The following TMEM175 variants were observed in gnomAD, a reference collection of about 807,000 sequenced individuals.
The protein encoded by TMEM175 is endosomal/lysosomal proton channel TMEM175.
TMEM175 carries 36 observed loss-of-function variants against 36.5 expected under a neutral mutation model. That is an observed-to-expected ratio of 0.99 (90% CI 0.76 to 1.30). TMEM175 has a LOEUF of 1.30. Among genes scored for constraint, TMEM175 ranks in the 50% most tolerant of loss-of-function variants. TMEM175 has a pLI of 0.00. For missense variants in TMEM175, 705 were observed against 692.8 expected, an observed-to-expected ratio of 1.02 and a Z score of -0.20; for synonymous variants, 339 against 313.4, an observed-to-expected ratio of 1.08 and a Z score of -0.86.
chr4:945,612 G>T (rs1728047073), intron 1 of TMEM175, among the ~76,000 whole-genome samples: 1 of 152,124 alleles, frequency 6.6e-6, no homozygotes, highest in Non-Finnish European at 1.5e-5. Flanking sequence ...CCTTGTTTTT[G>T]TGCGTCTCGC....
At position 952,092 on chromosome 4, in the gene TMEM175, G is replaced by C. The variant is rs539252662; in HGVS notation, c.379-275G>C. On this transcript the variant is annotated intron_variant, in intron 6 of 10. Coordinates refer to ENST00000264771, the MANE Select transcript of TMEM175 (RefSeq NM_032326.4). ...GCAGTGGCCGCTAGTCTGAGTGTGC[G>C]GGGCTGTGTGCCACAAGGAACTGGG... The C allele has an allele frequency of 7.5e-5, 44 of 589,492 alleles. No individual in the cohort carries two copies. The East Asian group carries it at 1.2e-3, about 17-fold the overall frequency. The allele number at this position is 589,492 out of a possible 1,614,324, so 36.5% of individuals were successfully genotyped here. A position where few individuals can be genotyped will look rare whatever the true frequency, so the allele number is the denominator to read the frequency against.
chr4:948,393 C>T (rs1728457926), intron 3 of TMEM175: 2 of 1,528,574 alleles, frequency 1.3e-6, no homozygotes, highest in South Asian at 1.2e-5. Context: ...GCTCCTAGGG[C>T]TCTGTTTCCG....
intron 1 of TMEM175, among the ~76,000 whole-genome samples, chr4:943,889 A>G (rs1727816899): frequency 6.6e-6 from 1 of 152,252 alleles, no homozygotes; most frequent in African/African-American, 2.4e-5. Flanking sequence ...ATTACCACAC[A>G]GCAACCAAAG....
chr4:951,282 T>G, intron 5 of TMEM175, 24 bp downstream of exon 5: 2 of 1,613,902 alleles, frequency 1.2e-6, no homozygotes, highest in Non-Finnish European at 1.7e-6. Flanking sequence ...GGTCCTTTTC[T>G]GGGGAGTGAC....
chr4:948,169 T>C lies in TMEM175; in HGVS notation c.192+15T>C, dbSNP rs1417640642. 1 of 1,614,110 alleles carries C rather than the reference T, an allele frequency of 6.2e-7. No individual in the cohort carries two copies. The highest frequency in any genetic ancestry group is 1.7e-5 in the Admixed American group (1 of 60,032). ...CCCCAGAACAGGTAACGGGGCAGGCTGTGCTCTGCGTGGTGTGGCCCTGCG... is the reference window on the plus strand; with the variant it reads ...CCCCAGAACAGGTAACGGGGCAGGCCGTGCTCTGCGTGGTGTGGCCCTGCG... On this transcript the variant is annotated intron_variant, in intron 3 of 10. Transcript: ENST00000264771.
At chr4:933,580 G>GATGTGTGTT (rs1440538022) in intron 1 of TMEM175, among the ~76,000 whole-genome samples, 1 of 152,190 alleles carries the variant, frequency 6.6e-6, no homozygotes, top group African/African-American at 2.4e-5. Flanking sequence ...GACCCAAAAT[G>GATGTGTGTT]ATGTGTGTTA....
At position 947,808 on chromosome 4, in the gene TMEM175, CGAG is replaced by C. The variant is rs761701831; in HGVS notation, c.72_74del (p.Glu24del). 4.4e-5 allele frequency: 71 copies of C among 1,613,062 alleles called. No individual in the cohort carries two copies. The highest frequency in any genetic ancestry group is 5.5e-5 in the Non-Finnish European group (65 of 1,179,990). ...GGGACTGCCCCCCAGGCAGGAGAGA[CGAG>C]GACGCTGGGGAGGGGATCCAGTGCT... On this transcript the variant is annotated inframe_deletion, in exon 2 of 11. Transcript: ENST00000264771.
In TMEM175 at chr4:957,984, C is replaced by T. The variant is rs759053528; in HGVS notation, c.1003C>T (p.Arg335Cys). The stretch of plus-strand genomic sequence containing the variant: ...CCACCACTCACTCTTCCTGCATGTG[C>T]GCAAGGCCACGCGGGCCATGGGGCT... Reference protein sequence around the residue: ...FAHHSLFLHVRKATRAMGLLN... With the variant: ...FAHHSLFLHVCKATRAMGLLN... The change falls in exon 11 of 11, where the codon CGC becomes TGC. Residue 335 changes from arginine to cysteine, a missense_variant. Physicochemically the swap from Arg to Cys is radical, Grantham distance 180 (BLOSUM62 -3). Coordinates refer to ENST00000264771, the MANE Select transcript of TMEM175 (RefSeq NM_032326.4). 42 of 1,612,750 alleles carry T rather than the reference C, an allele frequency of 2.6e-5. No individual in the cohort carries two copies. The highest frequency in any genetic ancestry group is 6.7e-5 in the Admixed American group (4 of 59,998).
rs923658121 is a variant in TMEM175, at chr4:946,871, C to T, written c.-31-838C>T. Among the ~76,000 whole-genome samples, 15 of 143,952 alleles carry T rather than the reference C, an allele frequency of 1.0e-4. No homozygotes were observed. In the East Asian group the frequency reaches 3.2e-3, roughly 30 times the overall value. The allele number at this position is 143,952 out of a possible 152,430, so 94.4% of individuals were successfully genotyped here. On this transcript the variant is annotated intron_variant, in intron 1 of 10. Transcript: ENST00000264771. ...GCCCCAGGCACGCGTGCACAGGCGC[C>T]GAGACCGAGGGAGAGCGCGGCCCCG... is the stretch of plus-strand genomic sequence containing the variant.
At chr4:955,552 A>C in intron 9 of TMEM175, 69 bp downstream of exon 9, 1 of 1,535,170 alleles carries the variant, frequency 6.5e-7, no homozygotes, top group Non-Finnish European at 9.0e-7. Flanking sequence ...GCTGCTCCGC[A>C]CTGAGGGCTG....
intron 1 of TMEM175, among the ~76,000 whole-genome samples, chr4:933,910 A>G (rs188236833): frequency 7.0e-4 from 106 of 152,380 alleles, no homozygotes; most frequent in African/African-American, 2.5e-3. Flanking sequence ...AACAGTAGCA[A>G]TAGCTTAGTT....
Position 932,871 on chromosome 4 carries a change from A to G in TMEM175, c.-32+331A>G, listed in dbSNP as rs561853845. 1.3e-5 allele frequency among the ~76,000 whole-genome samples: 2 copies of G among 152,306 alleles called. No individual in the cohort carries two copies. The highest frequency in any genetic ancestry group is 3.9e-4 in the East Asian group (2 of 5,178). ...CAGTTTGCAGGGGAAACGCTGCTGC[A>G]TTGCTCTGTCTTCCGAGGAGAGGGC... On this transcript the variant is annotated intron_variant, in intron 1 of 10. Coordinates refer to ENST00000264771, the MANE Select transcript of TMEM175 (RefSeq NM_032326.4). This position sits in a 1 kb window ranked among gnomAD's most constrained non-coding sequence, Gnocchi z 4.0.
At chr4:936,121 G>A (rs1726747439) in intron 1 of TMEM175, among the ~76,000 whole-genome samples, 2 of 152,102 alleles carry the variant, frequency 1.3e-5, no homozygotes, top group Non-Finnish European at 1.5e-5. Context: ...GATCACTTGA[G>A]GTCGGAAGTT....
intron 1 of TMEM175, among the ~76,000 whole-genome samples, chr4:941,288 A>C (rs1727452951): frequency 6.7e-6 from 1 of 148,234 alleles, no homozygotes; most frequent in Admixed American, 6.8e-5. Flanking sequence ...ACACAGGAGA[A>C]TCGTTTAAAC....
At chr4:949,440 C>T (rs764073402) in intron 3 of TMEM175, among the ~76,000 whole-genome samples, 4 of 152,292 alleles carry the variant, frequency 2.6e-5, no homozygotes, top group Admixed American at 1.3e-4. Context: ...AAAGGCCTGA[C>T]GTGTGTCCCA....
intron 10 of TMEM175, chr4:956,746 C>G (rs568234610): frequency 3.6e-4 from 116 of 318,680 alleles, no homozygotes; most frequent in South Asian, 2.8e-3. Flanking sequence ...GCCCGGCCAT[C>G]GTAATGTTTG....
intron 1 of TMEM175, among the ~76,000 whole-genome samples, chr4:935,091 G>A (rs1176750190): frequency 6.6e-6 from 1 of 152,212 alleles, no homozygotes; most frequent in African/African-American, 2.4e-5. Context: ...GAAAGCATGA[G>A]AGCGTTTAAG....
chr4:957,848 G>A lies in TMEM175; in HGVS notation c.867G>A (p.Lys289=), dbSNP rs1237424576. ...DICEDNVPDP[K]DVKERFSGSL... ...GCGAAGACAACGTCCCGGACCCCAA[G>A]GATGTGAAGGAGAGGTTCAGCGGCA... Residue 289 remains lysine, a synonymous_variant, in exon 11 of 11, where the codon AAG becomes AAA. Coordinates refer to ENST00000264771, the MANE Select transcript of TMEM175 (RefSeq NM_032326.4). The A allele has an allele frequency of 1.2e-6, 2 of 1,611,436 alleles. No homozygotes were observed. The highest frequency in any genetic ancestry group is 1.1e-5 in the South Asian group (1 of 90,926).
intron 10 of TMEM175, chr4:956,450 T>G (rs1253114140): frequency 7.8e-6 from 10 of 1,278,480 alleles, no homozygotes; most frequent in Middle Eastern, 4.3e-4. Context: ...GGGGTTTTTT[T>G]TTTTTTTTTT....
Sources: allele counts gnomAD v4.1 joint callset (sites outside exome capture counted in the v4.1 genomes callset), GRCh38; gene constraint gnomAD v4.1.1; non-coding constraint Gnocchi (gnomAD v3.1); transcripts MANE v1.5; gene names NCBI Gene and HGNC (gene_info 2026-07-23, HGNC 2026-07-21).